The following GPT2 variants were observed in gnomAD, a reference collection of about 807,000 sequenced individuals.
The protein encoded by GPT2 is alanine aminotransferase 2.
In GPT2, 30 loss-of-function variants were observed where a neutral mutation model predicts 56.9. That is an observed-to-expected ratio of 0.53 (90% CI 0.39 to 0.72). GPT2 has a LOEUF of 0.72. Ranked by LOEUF, GPT2 falls within the 30% of genes least tolerant of loss-of-function variation. GPT2 has a pLI of 0.00. For synonymous variants in GPT2, 271 were observed against 283.1 expected, an observed-to-expected ratio of 0.96 and a Z score of 0.43; for missense variants, 542 against 703.4, an observed-to-expected ratio of 0.77 and a Z score of 2.60.
intron 4 of GPT2, among the ~76,000 whole-genome samples, chr16:46,902,680 C>T (rs759537211): frequency 7.2e-5 from 11 of 152,094 alleles, no homozygotes; most frequent in East Asian, 1.9e-4. Flanking sequence ...GCTGGAAGTG[C>T]GGTGGCACGA....
chr16:46,884,922 G>C lies in GPT2; in HGVS notation c.207G>C (p.Val69=). The part of the protein sequence containing the change: ...AVEYAVRGPI[V]LKAGEIELEL... ...AGTACGCCGTGCGGGGACCCATCGT[G>C]CTCAAGGCCGGCGAGATCGAGCTCG... The change falls in exon 2 of 12, where the codon GTG becomes GTC. Residue 69 remains valine (V), a synonymous_variant. Transcript: ENST00000340124. 6.5e-7 allele frequency: 1 copy of C among 1,534,870 alleles called. No individual in the cohort carries two copies. Among genetic ancestry groups the C allele is most frequent in the Non-Finnish European group, 8.8e-7 (1 of 1,139,252 alleles).
chr16:46,904,867 C>A (rs1315192651), intron 4 of GPT2, among the ~76,000 whole-genome samples: 3 of 152,098 alleles, frequency 2.0e-5, no homozygotes, highest in African/African-American at 4.8e-5. Context: ...TTTAAACTTA[C>A]AAAATACTCC....
At chr16:46,885,154 C>T (rs938666296) in intron 2 of GPT2, 196 bp downstream of exon 2, 192 of 1,315,546 alleles carry the variant, frequency 1.5e-4, no homozygotes, top group Non-Finnish European at 1.7e-4. Flanking sequence ...TCAGTGAGGC[C>T]TTGCAATACG....
intron 6 of GPT2, chr16:46,915,488 C>T (rs1196011746): frequency 7.2e-6 from 1 of 138,634 alleles, no homozygotes; most frequent in South Asian, 2.3e-4. Flanking sequence ...ACATTACACA[C>T]CATACACAGA....
chr16:46,900,982 C>T (rs1596867407), intron 4 of GPT2, among the ~76,000 whole-genome samples, 192 bp downstream of exon 4: 2 of 152,200 alleles, frequency 1.3e-5, no homozygotes, highest in African/African-American at 4.8e-5. Context: ...ATTAAGCAGG[C>T]GGTGCCGGTG....
intron 5 of GPT2, among the ~76,000 whole-genome samples, chr16:46,907,790 C>G (rs1313357145): frequency 6.6e-6 from 1 of 152,194 alleles, no homozygotes; most frequent in Non-Finnish European, 1.5e-5. Context: ...GATTTCTGTT[C>G]CTAAGTTTTA....
intron 7 of GPT2, among the ~76,000 whole-genome samples, chr16:46,917,900 C>T (rs72812447): frequency 9.7e-4 from 147 of 152,276 alleles, no homozygotes; most frequent in Non-Finnish European, 1.4e-3. Context: ...ACCTGGTATA[C>T]AGAACTTCCT....
intron 7 of GPT2, among the ~76,000 whole-genome samples, chr16:46,917,179 C>T (rs1242233358): frequency 6.6e-6 from 1 of 152,202 alleles, no homozygotes; most frequent in African/African-American, 2.4e-5. Context: ...CTGAGTCACA[C>T]GCCCATTGCT....
At chr16:46,885,184 T>C in intron 2 of GPT2, 3 of 1,274,968 alleles carry the variant, frequency 2.4e-6, no homozygotes, top group Non-Finnish European at 3.0e-6. Context: ...TTGAATTGAA[T>C]TCGTCAATTG....
chr16:46,920,090 AG>A (rs1961255914), intron 8 of GPT2, among the ~76,000 whole-genome samples: 1 of 152,252 alleles, frequency 6.6e-6, no homozygotes, highest in Non-Finnish European at 1.5e-5. Flanking sequence ...GCGCGCTTCC[AG>A]CTACTCAGGA....
In GPT2 at chr16:46,900,667, GT is replaced by G. The variant is rs1960798639; in HGVS notation, c.334-14del. 6.2e-7 allele frequency: 1 copy of G among 1,604,146 alleles called. No homozygotes were observed. The highest frequency in any genetic ancestry group is 8.5e-7 in the Non-Finnish European group (1 of 1,171,510). ...TGGGGGTGCTGGGAGCTCAGCCTGTGTCTTGTTCCCCCAGGTGATGGCACTA... is the reference window on the plus strand; with the variant it reads ...TGGGGGTGCTGGGAGCTCAGCCTGTGCTTGTTCCCCCAGGTGATGGCACTA... On this transcript the variant is annotated splice_polypyrimidine_tract_variant and intron_variant, in intron 3 of 11. Transcript: ENST00000340124.
At chr16:46,920,429 C>T (rs1961263388) in intron 8 of GPT2, among the ~76,000 whole-genome samples, 1 of 152,218 alleles carries the variant, frequency 6.6e-6, no homozygotes, top group Non-Finnish European at 1.5e-5. Flanking sequence ...CTGGACACAT[C>T]TCATACGTAC....
Position 46,929,035 on chromosome 16 carries a change from C to T in GPT2, c.*38C>T. On this transcript the variant is annotated 3_prime_UTR_variant, in exon 12 of 12. Transcript: ENST00000340124. ...CCCAGCGGGAGACCTGTCCTTGGCT[C>T]TTCCTCCCAATGCCCGTCAGGCTGA... The T allele has an allele frequency of 1.3e-6, 2 of 1,530,796 alleles. No homozygotes were observed. Among genetic ancestry groups the T allele is most frequent in the Non-Finnish European group, 9.1e-7 (1 of 1,104,390 alleles). The allele number at this position is 1,530,796 out of a possible 1,614,324, so 94.8% of individuals were successfully genotyped here.
intron 10 of GPT2, 59 bp from the exon 11 acceptor site, chr16:46,926,866 G>T: frequency 8.7e-7 from 1 of 1,151,956 alleles, no homozygotes. Flanking sequence ...TTGGCTTTGA[G>T]GGTTGAATGG....
intron 9 of GPT2, among the ~76,000 whole-genome samples, chr16:46,922,753 G>A (rs992257251): frequency 8.5e-5 from 13 of 152,076 alleles, no homozygotes; most frequent in Non-Finnish European, 1.6e-4. Flanking sequence ...AGGTAGAGGG[G>A]CGCAGCATCG....
At position 46,892,153 on chromosome 16, in the gene GPT2, T is replaced by C. The variant is rs1049615831; in HGVS notation, c.244-5495T>C. ...CTTTTTTAGACTAGTTTAACTTTTT[T>C]AGATTCCACATATGAGTGAGATCAT... On this transcript the variant is annotated intron_variant, in intron 2 of 11. Coordinates refer to ENST00000340124, the MANE Select transcript of GPT2 (RefSeq NM_133443.4). Among the ~76,000 whole-genome samples, 3 of 152,338 alleles carry C rather than the reference T, an allele frequency of 2.0e-5. No individual in the cohort carries two copies. In the East Asian group the frequency reaches 5.8e-4, roughly 29 times the overall value.
intron 1 of GPT2, 59 bp from the exon 2 acceptor site, chr16:46,884,635 G>A: frequency 7.6e-7 from 1 of 1,317,832 alleles, no homozygotes; most frequent in Middle Eastern, 2.1e-4. Flanking sequence ...TTGTGTGGGG[G>A]AGTGCTGCAC....
chr16:46,918,167 C>T (rs944688643), intron 7 of GPT2, among the ~76,000 whole-genome samples: 4 of 152,220 alleles, frequency 2.6e-5, no homozygotes, highest in South Asian at 2.1e-4. Flanking sequence ...TGATTCCACT[C>T]GAGTGGGGGG....
At chr16:46,927,208 G>T (rs149311919) in intron 11 of GPT2, among the ~76,000 whole-genome samples, 171 bp downstream of exon 11, 1 of 152,292 alleles carries the variant, frequency 6.6e-6, no homozygotes, top group Non-Finnish European at 1.5e-5. Context: ...CCCTGCCCAG[G>T]GATTAAGAAA....
Sources: allele counts gnomAD v4.1 joint callset (sites outside exome capture counted in the v4.1 genomes callset), GRCh38; gene constraint gnomAD v4.1.1; transcripts MANE v1.5; gene names NCBI Gene and HGNC (gene_info 2026-07-23, HGNC 2026-07-21).